The following SYNE1 variants were observed in gnomAD, a reference collection of about 807,000 sequenced individuals.
The protein encoded by SYNE1 is spectrin repeat containing nuclear envelope protein 1, also known as nesprin-1.
In SYNE1, 616 loss-of-function variants were observed where a neutral mutation model predicts 1,111.0. The observed-to-expected ratio is 0.55, with a 90% CI of 0.52 to 0.59. SYNE1 has a LOEUF of 0.59. SYNE1 is among the 20% of genes least tolerant of loss of function. SYNE1 has a pLI of 0.00. For missense variants in SYNE1, 10,006 were observed against 10,417.0 expected (o/e 0.96, Z 1.72); for synonymous variants, 3,855 against 3,825.8 (o/e 1.01, Z -0.28).
At chr6:152,311,316 G>T (rs897751357) in intron 87 of SYNE1, 5 of 196,254 alleles carry the variant, frequency 2.5e-5, no homozygotes, top group Non-Finnish European at 4.2e-5. Context: ...TCTAAGAAAT[G>T]AAAATAAGAA....
At chr6:152,376,140 C>T in intron 58 of SYNE1, 1 of 497,524 alleles carries the variant, frequency 2.0e-6, no homozygotes, top group East Asian at 3.8e-5. Flanking sequence ...CCTCTGTGTG[C>T]ACAGTTCACA....
At chr6:152,209,715 A>T (rs1414949610) in intron 124 of SYNE1, among the ~76,000 whole-genome samples, 3 of 151,642 alleles carry the variant, frequency 2.0e-5, no homozygotes, top group Non-Finnish European at 2.9e-5. Context: ...GCGCCACTTC[A>T]CTCTAGCCTG....
intron 75 of SYNE1, among the ~76,000 whole-genome samples, chr6:152,337,658 C>T (rs2096433004): frequency 6.6e-6 from 1 of 152,166 alleles, no homozygotes. Context: ...TTGGGCATTT[C>T]AGTAGATTCA....
intron 107 of SYNE1, among the ~76,000 whole-genome samples, chr6:152,240,819 T>A (rs987976710): frequency 7.2e-5 from 11 of 152,332 alleles, no homozygotes; most frequent in Admixed American, 2.0e-4. Context: ...AGCTTGGGGT[T>A]CAAACCCAAG....
At position 152,395,580 on chromosome 6, in the gene SYNE1, T is replaced by C. The variant is rs746982919; in HGVS notation, c.7648A>G (p.Ile2550Val). 5 of 1,614,192 alleles carry C rather than the reference T, an allele frequency of 3.1e-6. No homozygotes were observed. In the South Asian group the frequency reaches 4.4e-5, roughly 14 times the overall value. ...TENLGESKQH[I>V]PEKKNEVHKV... The stretch of plus-strand genomic sequence containing the variant: ...TGAACTTCATTTTTCTTCTCAGGAA[T>C]GTGCTGTTTACTCTCTCCCAAGTTT... Residue 2550 changes from isoleucine to valine, a missense_variant, in exon 51 of 146, where the codon ATT (isoleucine) becomes GTT (valine). Coordinates refer to ENST00000367255, the MANE Select transcript of SYNE1 (RefSeq NM_182961.4).
intron 104 of SYNE1, among the ~76,000 whole-genome samples, chr6:152,251,566 G>A (rs1363604689): frequency 6.6e-6 from 1 of 151,644 alleles, no homozygotes; most frequent in African/African-American, 2.4e-5. Flanking sequence ...AGACCATCCC[G>A]GCTAAAACGG....
Position 152,407,212 on chromosome 6 carries a change from A to T in SYNE1, c.6541-16T>A, listed in dbSNP as rs1381956749. ...TCTCTGATACCTAGGAGAGAAACAGAAGCCATGGCATTCATAGTCAGAGGC... is the reference window on the plus strand; with the variant it reads ...TCTCTGATACCTAGGAGAGAAACAGTAGCCATGGCATTCATAGTCAGAGGC... On this transcript the variant is annotated splice_polypyrimidine_tract_variant and intron_variant, in intron 44 of 145. Transcript: ENST00000367255. 6.2e-7 allele frequency: 1 copy of T among 1,613,134 alleles called. No homozygotes were observed. The highest frequency in any genetic ancestry group is 8.5e-7 in the Non-Finnish European group (1 of 1,179,526).
In SYNE1 at chr6:152,451,218, G is replaced by A. The variant is rs1219350340; in HGVS notation, c.3028-13C>T. 2 of 1,613,456 alleles carry A rather than the reference G, an allele frequency of 1.2e-6. No individual in the cohort carries two copies. The highest frequency in any genetic ancestry group is 1.7e-6 in the Non-Finnish European group (2 of 1,179,850). Reference sequence around the variant, plus strand: ...CTCCTTGAAGATCCTACATTCCATAGGAAGATTCAGAAAATTAGGATGAAG... The same window carrying A: ...CTCCTTGAAGATCCTACATTCCATAAGAAGATTCAGAAAATTAGGATGAAG... On this transcript the variant is annotated splice_polypyrimidine_tract_variant and intron_variant, in intron 25 of 145. Transcript: ENST00000367255.
intron 4 of SYNE1, among the ~76,000 whole-genome samples, chr6:152,536,007 C>T (rs1262683528): frequency 1.3e-5 from 2 of 152,148 alleles, no homozygotes; most frequent in East Asian, 3.9e-4. Flanking sequence ...TAAGTCCATG[C>T]CACCTCTGTC....
chr6:152,342,585 G>A (rs369874777), intron 74 of SYNE1, among the ~76,000 whole-genome samples: 11 of 152,088 alleles, frequency 7.2e-5, no homozygotes, highest in Admixed American at 2.6e-4. Flanking sequence ...TCTTTATGTG[G>A]ACTCAGTGAT....
intron 14 of SYNE1, among the ~76,000 whole-genome samples, chr6:152,482,787 C>T (rs181268148): frequency 6.6e-6 from 1 of 152,186 alleles, no homozygotes. Flanking sequence ...AAATGCATAC[C>T]ATCTATGCTT....
intron 85 of SYNE1, among the ~76,000 whole-genome samples, chr6:152,318,609 C>T (rs982394803): frequency 5.3e-5 from 8 of 152,202 alleles, no homozygotes; most frequent in Non-Finnish European, 1.0e-4. Context: ...ATTCCTAAAT[C>T]ATCACTTAGT....
intron 3 of SYNE1, among the ~76,000 whole-genome samples, chr6:152,603,812 GTATA>G (rs761396784): frequency 4.2e-5 from 4 of 96,362 alleles, no homozygotes; most frequent in African/African-American, 5.0e-5. Flanking sequence ...TATATAGAGA[GTATA>G]TATATATATA....
At chr6:152,179,773 C>T (rs1293992780) in intron 129 of SYNE1, among the ~76,000 whole-genome samples, 1 of 147,690 alleles carries the variant, frequency 6.8e-6, no homozygotes, top group East Asian at 2.1e-4. Flanking sequence ...CAATCTCCGC[C>T]TTCTGGGTTC....
chr6:152,368,133 G>A (rs749448830), intron 61 of SYNE1: 1 of 152,578 alleles, frequency 6.6e-6, no homozygotes, highest in Non-Finnish European at 1.5e-5. Context: ...AGACCCAAAT[G>A]AGCAGACCCT....
rs373007404 is a variant in SYNE1 at position 152,462,893 on chromosome 6, G to A, written c.2098-3C>T. The A allele has an allele frequency of 9.9e-6, 16 of 1,613,782 alleles. No homozygotes were observed. The highest frequency in any genetic ancestry group is 1.3e-5 in the Non-Finnish European group (15 of 1,179,864). ...TCCATCTCATCAGCTTGAGCATACT[G>A]TTAAGGAAAGGGAGGAGGGAACATC... is the stretch of plus-strand genomic sequence containing the variant. On this transcript the variant is annotated splice_region_variant and splice_polypyrimidine_tract_variant and intron_variant, in intron 19 of 145. Coordinates refer to ENST00000367255, the MANE Select transcript of SYNE1 (RefSeq NM_182961.4).
At chr6:152,502,827 C>T in intron 9 of SYNE1, 85 bp from the exon 10 acceptor site, 1 of 1,045,470 alleles carries the variant, frequency 9.6e-7, no homozygotes, top group Middle Eastern at 2.0e-4. Flanking sequence ...AGCTATCACA[C>T]CAAAAACGCT....
chr6:152,312,646 A>C (rs1023031260), intron 87 of SYNE1, among the ~76,000 whole-genome samples: 100 of 148,526 alleles, frequency 6.7e-4, no homozygotes, highest in African/African-American at 2.3e-3. Context: ...AATGATTTAA[A>C]TATATATTTA....
intron 97 of SYNE1, among the ~76,000 whole-genome samples, chr6:152,279,481 C>T (rs1228886671): frequency 2.6e-5 from 4 of 151,370 alleles, no homozygotes; most frequent in Non-Finnish European, 5.9e-5. Context: ...TTTGGGAGGC[C>T]GAGGCAGGCA....
Sources: allele counts gnomAD v4.1 joint callset (sites outside exome capture counted in the v4.1 genomes callset), GRCh38; gene constraint gnomAD v4.1.1; transcripts MANE v1.5; gene names NCBI Gene and HGNC (gene_info 2026-07-23, HGNC 2026-07-21).